The following PPP1R21 variants were observed in gnomAD, a reference collection of about 807,000 sequenced individuals.
The protein encoded by PPP1R21 is protein phosphatase 1 regulatory subunit 21, also known as KLRAQ motif containing 1.
A neutral mutation model predicts 112.8 loss-of-function variants in PPP1R21; 85 were observed. The ratio of observed to expected loss-of-function variants is 0.75; its 90% CI spans 0.63 to 0.90. The LOEUF (loss-of-function observed/expected upper bound fraction) is 0.90. PPP1R21 is among the 40% of genes least tolerant of loss of function. The pLI is 0.00. For synonymous variants in PPP1R21, 381 were observed against 322.3 expected (o/e 1.18, Z -1.95); for missense variants, 1,199 against 901.5 (o/e 1.33, Z -4.23).
chr2:48,482,154 T>A (rs1040320352), intron 13 of PPP1R21, among the ~76,000 whole-genome samples: 5 of 152,182 alleles, frequency 3.3e-5, no homozygotes, highest in Non-Finnish European at 7.3e-5. Flanking sequence ...AACAGAGGGA[T>A]TTATAAAAAT....
Position 48,512,552 on chromosome 2 carries a change from G to A in PPP1R21, c.2313+1084G>A, listed in dbSNP as rs928178374. 4.6e-5 allele frequency among the ~76,000 whole-genome samples: 7 copies of A among 152,064 alleles called. 1 individual carries two copies. The highest frequency in any genetic ancestry group is 1.5e-4 in the African/African-American group (6 of 41,338). On this transcript the variant is annotated intron_variant, in intron 21 of 21. Coordinates refer to ENST00000294952, the MANE Select transcript of PPP1R21 (RefSeq NM_001135629.3). Reference sequence around the variant, plus strand: ...ATGAAGAAACCATGGCTTTATTTTAGCATCTGCTGTTGGTGTTAAGGACAG... The same window carrying A: ...ATGAAGAAACCATGGCTTTATTTTAACATCTGCTGTTGGTGTTAAGGACAG...
In PPP1R21 at chr2:48,464,976, A is replaced by T. The variant is rs768157012; in HGVS notation, c.734A>T (p.Asn245Ile). 1 of 1,558,666 alleles carries T rather than the reference A, an allele frequency of 6.4e-7. No individual in the cohort carries two copies. Among genetic ancestry groups the T allele is most frequent in the Non-Finnish European group, 8.6e-7 (1 of 1,162,758 alleles). Reference protein sequence around the residue: ...QYNALNVPLHNRRHQLKMRDI... With the variant: ...QYNALNVPLHIRRHQLKMRDI... ...AACGCTCTGAACGTTCCACTCCACAATAGGAGACACCAGGTAAAGGATGAA... is the reference window on the plus strand; with the variant it reads ...AACGCTCTGAACGTTCCACTCCACATTAGGAGACACCAGGTAAAGGATGAA... The change falls in exon 8 of 22, where the codon AAT (asparagine) becomes ATT (isoleucine). Residue 245 changes from asparagine to isoleucine, a missense_variant. Transcript: ENST00000294952.
At position 48,471,275 on chromosome 2, in the gene PPP1R21, C is replaced by A; in HGVS notation, c.1000-4C>A. ...TTAACCTTGAAATTATTTTTCTTTT[C>A]CAGGAGACAACTGTGAAATTGAAAA... On this transcript the variant is annotated splice_region_variant and splice_polypyrimidine_tract_variant and intron_variant, in intron 10 of 21. Transcript: ENST00000294952. 6.2e-7 allele frequency: 1 copy of A among 1,609,394 alleles called. No individual in the cohort carries two copies. The highest frequency in any genetic ancestry group is 8.5e-7 in the Non-Finnish European group (1 of 1,178,006).
chr2:48,498,744 C>A lies in PPP1R21; in HGVS notation c.1935+9C>A. ...TTCAGAGCACCAGTCTAGTAAGTGT[C>A]TTCTTGGTTGTCCTCAGTTTTCTTT... On this transcript the variant is annotated intron_variant, in intron 17 of 21. Transcript: ENST00000294952. 1 of 1,611,772 alleles carries A rather than the reference C, an allele frequency of 6.2e-7. No individual in the cohort carries two copies. Among genetic ancestry groups the A allele is most frequent in the Non-Finnish European group, 8.5e-7 (1 of 1,178,352 alleles).
In PPP1R21 at chr2:48,505,729, C is replaced by G. The variant is rs1572897653; in HGVS notation, c.1968+133C>G. The G allele has an allele frequency of 2.0e-5, 15 of 757,196 alleles. No homozygotes were observed. In the East Asian group the frequency reaches 4.0e-4, roughly 20 times the overall value. 46.9% of individuals were successfully genotyped at this position (757,196 alleles called of 1,614,324 possible). ...CCTGACACTTCTAGCAAATGTGGAG[C>G]CAGTGTTTTCCACCTTCGTGTATGG... is the stretch of plus-strand genomic sequence containing the variant. On this transcript the variant is annotated intron_variant, in intron 18 of 21. Transcript: ENST00000294952.
At chr2:48,474,569 T>G in intron 11 of PPP1R21, 114 bp from the exon 12 acceptor site, 2 of 948,002 alleles carry the variant, frequency 2.1e-6, no homozygotes, top group Non-Finnish European at 3.2e-6. Flanking sequence ...GATCAAATTC[T>G]TTTTTCTGCA....
intron 1 of PPP1R21, chr2:48,441,264 A>G: frequency 1.8e-6 from 1 of 557,446 alleles, no homozygotes. Flanking sequence ...TCACTGAAGT[A>G]GCGGGCTTGG....
At chr2:48,498,100 AG>A (rs1194629895) in intron 16 of PPP1R21, among the ~76,000 whole-genome samples, 3 of 151,546 alleles carry the variant, frequency 2.0e-5, no homozygotes, top group Non-Finnish European at 4.4e-5. Flanking sequence ...GTCTTGTTCA[AG>A]TTTTTTGTTG....
chr2:48,455,229 C>G (rs1323984670), intron 3 of PPP1R21, among the ~76,000 whole-genome samples: 1 of 150,274 alleles, frequency 6.7e-6, no homozygotes, highest in East Asian at 2.0e-4. Context: ...TCACCACAAC[C>G]TCTGCCTCCC....
rs182960167 is a variant in PPP1R21 at position 48,512,636 on chromosome 2, C to T, written c.2313+1168C>T. 1.3e-4 allele frequency among the ~76,000 whole-genome samples: 20 copies of T among 152,288 alleles called. No individual in the cohort carries two copies. In the East Asian group the frequency reaches 3.1e-3, roughly 23 times the overall value. On this transcript the variant is annotated intron_variant, in intron 21 of 21. Transcript: ENST00000294952. ...CGTCATGTTAATGCATTGGAATCTG[C>T]ATTATATATGATTTTGTTTATCAAC...
intron 3 of PPP1R21, among the ~76,000 whole-genome samples, chr2:48,455,238 C>A (rs1408198295): frequency 6.6e-6 from 1 of 151,094 alleles, no homozygotes; most frequent in African/African-American, 2.4e-5. Flanking sequence ...CCTCTGCCTC[C>A]CAGGTTCAAG....
At chr2:48,505,084 A>G (rs1006279636) in intron 17 of PPP1R21, among the ~76,000 whole-genome samples, 2 of 152,244 alleles carry the variant, frequency 1.3e-5, no homozygotes, top group Non-Finnish European at 2.9e-5. Flanking sequence ...TCTGAAATTT[A>G]TGCTTACTCA....
chr2:48,461,119 A>AT lies in PPP1R21; in HGVS notation c.600-5dup, dbSNP rs376347710. ...GTGATTGGTGATAATGTGGTTTTGTATTTTTTTTTTTTTTGCAGTCAATTA... is the reference window on the plus strand; with the variant it reads ...GTGATTGGTGATAATGTGGTTTTGTATTTTTTTTTTTTTTTGCAGTCAATTA... On this transcript the variant is annotated intron_variant, in intron 6 of 21. Transcript: ENST00000294952. The AT allele has an allele frequency of 0.024, 34,401 of 1,439,078 alleles. 10 individuals carry two copies. Among genetic ancestry groups the AT allele is most frequent in the Admixed American group, 0.029 (1,200 of 40,890 alleles). 89.1% of individuals were successfully genotyped at this position (1,439,078 alleles called of 1,614,324 possible).
intron 1 of PPP1R21, among the ~76,000 whole-genome samples, chr2:48,443,576 A>G (rs1208821613): frequency 1.3e-5 from 2 of 152,240 alleles, no homozygotes; most frequent in Non-Finnish European, 2.9e-5. Context: ...AGGAGACTGT[A>G]GGAGGCCTGC....
Position 48,498,658 on chromosome 2 carries a change from G to C in PPP1R21, c.1858G>C (p.Ala620Pro). ...GCTGGTTGGGCTGGCCCAGGAAAAT[G>C]CTGCTGTGTCAAATACTGCTGGCCA... Reference protein sequence around the residue: ...AQLVGLAQENAAVSNTAGQDE... With the variant: ...AQLVGLAQENPAVSNTAGQDE... Residue 620 changes from alanine (A) to proline (P), a missense_variant, in exon 17 of 22, where the codon GCT becomes CCT. Coordinates refer to ENST00000294952, the MANE Select transcript of PPP1R21 (RefSeq NM_001135629.3). 1 of 1,614,238 alleles carries C rather than the reference G, an allele frequency of 6.2e-7. No homozygotes were observed. The highest frequency in any genetic ancestry group is 8.5e-7 in the Non-Finnish European group (1 of 1,180,030).
chr2:48,450,651 A>G (rs1239546999), intron 1 of PPP1R21, among the ~76,000 whole-genome samples: 1 of 152,258 alleles, frequency 6.6e-6, no homozygotes, highest in African/African-American at 2.4e-5. Context: ...TTCAAGGAAC[A>G]TGGCATATTC....
intron 7 of PPP1R21, among the ~76,000 whole-genome samples, chr2:48,462,874 G>A (rs779614090): frequency 3.3e-5 from 5 of 152,174 alleles, no homozygotes; most frequent in African/African-American, 4.8e-5. Flanking sequence ...CTATTGTGGA[G>A]GCTTAGCCTG....
At chr2:48,474,889 G>T in intron 12 of PPP1R21, 70 bp downstream of exon 12, 1 of 1,382,378 alleles carries the variant, frequency 7.2e-7, no homozygotes, top group Non-Finnish European at 1.0e-6. Context: ...AAAGGGAGAT[G>T]GTTTAGCTAA....
chr2:48,464,761 T>C lies in PPP1R21; in HGVS notation c.695-176T>C, dbSNP rs140904957. ...TGAAGTTAAAAAAAGATGGGAAGTA[T>C]TACTTTATCTGAGAAACCACTGATT... On this transcript the variant is annotated intron_variant, in intron 7 of 21. Transcript: ENST00000294952. 2.5e-3 allele frequency among the ~76,000 whole-genome samples: 375 copies of C among 152,300 alleles called. 1 individual carries two copies. The highest frequency in any genetic ancestry group is 4.0e-3 in the Non-Finnish European group (273 of 68,004).
Sources: allele counts gnomAD v4.1 joint callset (sites outside exome capture counted in the v4.1 genomes callset), GRCh38; gene constraint gnomAD v4.1.1; transcripts MANE v1.5; gene names NCBI Gene and HGNC (gene_info 2026-07-23, HGNC 2026-07-21).